The following FBXO32 variants were observed in gnomAD, a reference collection of about 807,000 sequenced individuals.
FBXO32 encodes F-box protein 32, also known as F-box only protein 32.
In FBXO32, 15 loss-of-function variants were observed where a neutral mutation model predicts 48.3. That is an observed-to-expected ratio of 0.31 (90% CI 0.21 to 0.48). The LOEUF (loss-of-function observed/expected upper bound fraction) is 0.48, where lower values mean the gene tolerates loss of function less well. Ranked by LOEUF, FBXO32 falls within the 20% of genes least tolerant of loss-of-function variation. The pLI, the probability that FBXO32 is intolerant of heterozygous loss-of-function variation, is 0.99. For missense variants in FBXO32, 309 were observed against 432.7 expected (o/e 0.71, Z 2.54); for synonymous variants, 154 against 165.9 (o/e 0.93, Z 0.55).
Position 123,534,685 on chromosome 8 carries a change from C to A in FBXO32, c.229+17G>T. 1.3e-6 allele frequency: 2 copies of A among 1,574,742 alleles called. No individual in the cohort carries two copies. Among genetic ancestry groups the A allele is most frequent in the South Asian group, 2.2e-5 (2 of 89,274 alleles). On this transcript the variant is annotated intron_variant, in intron 2 of 8. Coordinates refer to ENST00000517956, the MANE Select transcript of FBXO32 (RefSeq NM_058229.4). ...CTTCAAACAGCTTTTTTCTGAAGTT[C>A]AAAACAAATGGCTTACACTGAGTTT...
At position 123,540,841 on chromosome 8, in the gene FBXO32, C is replaced by G; in HGVS notation, c.116+58G>C. The G allele has an allele frequency of 6.8e-7, 1 of 1,461,642 alleles. No individual in the cohort carries two copies. The highest frequency in any genetic ancestry group is 9.5e-7 in the Non-Finnish European group (1 of 1,056,646). 90.5% of individuals were successfully genotyped at this position (1,461,642 alleles called of 1,614,324 possible). On this transcript the variant is annotated intron_variant, in intron 1 of 8. Transcript: ENST00000517956. This position sits in a 1 kb window ranked among gnomAD's most constrained non-coding sequence, Gnocchi z 6.4. ...CCCCTCATTCGCCGTCCCTGCGCCC[C>G]CCAGACCAGCCCGGGTCAGTTTCGC...
chr8:123,528,949 A>G (rs547942619), intron 4 of FBXO32, among the ~76,000 whole-genome samples: 1 of 152,352 alleles, frequency 6.6e-6, no homozygotes, highest in East Asian at 1.9e-4. Context: ...GATGGGGATA[A>G]TATACTGGCA....
rs1486382949 is a variant in FBXO32, at chr8:123,534,755, A to G, written c.176T>C (p.Val59Ala). Residue 59 changes from valine to alanine, a missense_variant, in exon 2 of 9, where the codon GTT (valine) becomes GCT (alanine). Coordinates refer to ENST00000517956, the MANE Select transcript of FBXO32 (RefSeq NM_058229.4). Reference sequence around the variant, plus strand: ...GTCCTTCTTTCTCTTCTTGGCTGCAACATCATAGTTCAGGCTGTTGAAAAG... The same window carrying G: ...GTCCTTCTTTCTCTTCTTGGCTGCAGCATCATAGTTCAGGCTGTTGAAAAG... ...ENLFNSLNYD[V>A]AAKKRKKDML... is the part of the protein sequence containing the mutation. The G allele has an allele frequency of 1.2e-6, 2 of 1,613,912 alleles. No individual in the cohort carries two copies. The highest frequency in any genetic ancestry group is 2.7e-5 in the African/African-American group (2 of 74,942).
intron 7 of FBXO32, among the ~76,000 whole-genome samples, chr8:123,505,554 G>A (rs547022158): frequency 4.0e-4 from 61 of 152,230 alleles, no homozygotes; most frequent in African/African-American, 1.4e-3. Flanking sequence ...TGGCCAACGT[G>A]GTGAAACCCT....
chr8:123,514,872 T>C (rs990237595), intron 4 of FBXO32, among the ~76,000 whole-genome samples: 6 of 152,378 alleles, frequency 3.9e-5, no homozygotes, highest in East Asian at 3.9e-4. Context: ...ACTCTTTCAC[T>C]GCACTTACAT....
chr8:123,509,763 G>A (rs1586990016), intron 6 of FBXO32, among the ~76,000 whole-genome samples: 2 of 152,060 alleles, frequency 1.3e-5, no homozygotes, highest in East Asian at 3.8e-4. Flanking sequence ...AGGCTCCGTG[G>A]GTTCCAGTAC....
rs775944136 is a variant in FBXO32 at position 123,525,031 on chromosome 8, T to C, written c.372+6867A>G. Among the ~76,000 whole-genome samples, 5 of 152,246 alleles carry C rather than the reference T, an allele frequency of 3.3e-5. No homozygotes were observed. The highest frequency in any genetic ancestry group is 4.4e-5 in the Non-Finnish European group (3 of 68,040). On this transcript the variant is annotated intron_variant, in intron 4 of 8. Coordinates refer to ENST00000517956, the MANE Select transcript of FBXO32 (RefSeq NM_058229.4). This position sits in a 1 kb window ranked among gnomAD's most constrained non-coding sequence, Gnocchi z 4.3. The stretch of plus-strand genomic sequence containing the variant: ...CTGTGTGAAGGGGCCAGGATGCTGA[T>C]GCACATCAAGGCCCAGCAGGGGCTT...
rs1425481336 is a variant in FBXO32 at position 123,500,950 on chromosome 8, T to C, written c.*2423A>G. 1 of 152,240 alleles carries C rather than the reference T, an allele frequency of 6.6e-6. No individual in the cohort carries two copies. The highest frequency in any genetic ancestry group is 2.4e-5 in the African/African-American group (1 of 41,438). 9.4% of individuals were successfully genotyped at this position (152,240 alleles called of 1,614,324 possible). ...CCCTTCTCTTGGGGCAGAGGTCATCTTGCACAGATGCACATGGTTGCCTGG... is the reference window on the plus strand; with the variant it reads ...CCCTTCTCTTGGGGCAGAGGTCATCCTGCACAGATGCACATGGTTGCCTGG... On this transcript the variant is annotated 3_prime_UTR_variant, in exon 9 of 9. Coordinates refer to ENST00000517956, the MANE Select transcript of FBXO32 (RefSeq NM_058229.4).
chr8:123,527,228 A>G (rs549727591), intron 4 of FBXO32: 2 of 152,266 alleles, frequency 1.3e-5, no homozygotes, highest in African/African-American at 4.8e-5. Flanking sequence ...TATTTCATCT[A>G]TTTCCCTCAC....
At chr8:123,509,017 C>T (rs1377445948) in intron 6 of FBXO32, among the ~76,000 whole-genome samples, 6 of 140,996 alleles carry the variant, frequency 4.3e-5, no homozygotes, top group Non-Finnish European at 9.9e-5. Flanking sequence ...CCACTAGGGT[C>T]TATGTCACTC....
chr8:123,512,529 CTT>C (rs1205869212), intron 6 of FBXO32, among the ~76,000 whole-genome samples: 2,130 of 135,338 alleles, frequency 0.016, 47 homozygotes, highest in African/African-American at 0.054. Context: ...GTCTTCCTCC[CTT>C]TTTTTTTTTT....
chr8:123,530,227 G>A (rs748474845), intron 4 of FBXO32, among the ~76,000 whole-genome samples: 3 of 152,238 alleles, frequency 2.0e-5, no homozygotes, highest in South Asian at 4.2e-4. Flanking sequence ...GCAGGCCTGC[G>A]TTTTTATCAG....
rs1436519618 is a variant in FBXO32 at position 123,525,574 on chromosome 8, CCATTTTG to C, written c.372+6317_372+6323del. ...TTTTAGTGGTGATAAAAGGCAGGCTCCATTTTGCATTTTGCCCTCTAAGCAATGCAGT... is the reference window on the plus strand; with the variant it reads ...TTTTAGTGGTGATAAAAGGCAGGCTCCATTTTGCCCTCTAAGCAATGCAGT... On this transcript the variant is annotated intron_variant, in intron 4 of 8. Transcript: ENST00000517956. This position sits in a 1 kb window ranked among gnomAD's most constrained non-coding sequence, Gnocchi z 4.3. Among the ~76,000 whole-genome samples the C allele has an allele frequency of 6.6e-6, 1 of 152,168 alleles. No individual in the cohort carries two copies. The highest frequency in any genetic ancestry group is 1.5e-5 in the Non-Finnish European group (1 of 68,030).
rs1586983752 is a variant in FBXO32, at chr8:123,499,166, A to T, written c.*4207T>A. ...CCTAAACATTCTGGATCTCTTACTC[A>T]TCGTGAAAGGCAGACGCTCTAAGTC... On this transcript the variant is annotated 3_prime_UTR_variant, in exon 9 of 9. Transcript: ENST00000517956. 1 of 152,220 alleles carries T rather than the reference A, an allele frequency of 6.6e-6. No individual in the cohort carries two copies. Among genetic ancestry groups the T allele is most frequent in the African/African-American group, 2.4e-5 (1 of 41,460 alleles). The allele number at this position is 152,220 out of a possible 1,614,324, so 9.4% of individuals were successfully genotyped here. A position where few individuals can be genotyped will look rare whatever the true frequency, so the allele number is the denominator to read the frequency against.
intron 7 of FBXO32, among the ~76,000 whole-genome samples, chr8:123,505,457 A>G (rs58274813): frequency 0.37 from 56,744 of 152,102 alleles, 12,922 homozygotes; most frequent in African/African-American, 0.61. Context: ...TCTACCACAC[A>G]GGGTGCGGTG....
chr8:123,519,718 A>G (rs534702193), intron 4 of FBXO32, among the ~76,000 whole-genome samples: 71 of 152,260 alleles, frequency 4.7e-4, no homozygotes, highest in African/African-American at 1.6e-3. Context: ...GCATCACTCT[A>G]TAGGCCCAGA....
In FBXO32 at chr8:123,502,011, A is replaced by G. The variant is rs777809102; in HGVS notation, c.*1362T>C. 2 of 152,058 alleles carry G rather than the reference A, an allele frequency of 1.3e-5. No individual in the cohort carries two copies. The highest frequency in any genetic ancestry group is 1.5e-5 in the Non-Finnish European group (1 of 68,014). 9.4% of individuals were successfully genotyped at this position (152,058 alleles called of 1,614,324 possible). Reference sequence around the variant, plus strand: ...TCCTTTCTTCCACAGTTACCTGCTGATATTTGCCTCGTAAGATCCCCTTGG... The same window carrying G: ...TCCTTTCTTCCACAGTTACCTGCTGGTATTTGCCTCGTAAGATCCCCTTGG... On this transcript the variant is annotated 3_prime_UTR_variant, in exon 9 of 9. Transcript: ENST00000517956.
rs1563924729 is a variant in FBXO32 at position 123,525,810 on chromosome 8, A to G, written c.372+6088T>C. Reference sequence around the variant, plus strand: ...AAAGACGTAGATATACAAAGATGGAATTCGTAAACCACAAAGTAACAGATT... The same window carrying G: ...AAAGACGTAGATATACAAAGATGGAGTTCGTAAACCACAAAGTAACAGATT... On this transcript the variant is annotated intron_variant, in intron 4 of 8. Transcript: ENST00000517956. The surrounding 1 kb of genome is among the most constrained non-coding windows in gnomAD (Gnocchi z 4.3). Among the ~76,000 whole-genome samples, 1 of 152,212 alleles carries G rather than the reference A, an allele frequency of 6.6e-6. No individual in the cohort carries two copies. Among genetic ancestry groups the G allele is most frequent in the Non-Finnish European group, 1.5e-5 (1 of 68,028 alleles).
At chr8:123,531,822 C>G in intron 4 of FBXO32, 76 bp downstream of exon 4, 1 of 1,556,428 alleles carries the variant, frequency 6.4e-7, no homozygotes, top group Non-Finnish European at 8.7e-7. Flanking sequence ...TTTGGGGAAA[C>G]TACTTCAAGA....
Sources: gnomAD v4.1 joint callset for allele counts (sites outside exome capture counted in the v4.1 genomes callset) on GRCh38, gnomAD v4.1.1 for gene constraint, Gnocchi (gnomAD v3.1) non-coding constraint, MANE v1.5 for transcripts, NCBI Gene and HGNC (gene_info 2026-07-23, HGNC 2026-07-21) for gene names.